TENM2: variants seen among roughly 807,000 people sequenced by gnomAD.
The protein encoded by TENM2 is teneurin-2.
Under a neutral mutation model 245.2 loss-of-function variants are expected in TENM2, and 52 were observed. The observed-to-expected ratio is 0.21, with a 90% confidence interval of 0.17 to 0.27. The LOEUF is 0.27. Among genes scored for constraint, TENM2 ranks in the 10% least tolerant of loss-of-function variants. The probability of loss-of-function intolerance (pLI) is 1.00; values close to 1 mark genes in which losing one functional copy is unlikely to be tolerated. For missense variants in TENM2, 3,046 were observed against 3,666.8 expected (o/e 0.83, Z 4.37); for synonymous variants, 1,363 against 1,438.9 (o/e 0.95, Z 1.19).
intron 1 of TENM2, among the ~76,000 whole-genome samples, chr5:167,368,110 A>C (rs1216918943): frequency 6.6e-6 from 1 of 152,210 alleles, no homozygotes; most frequent in East Asian, 1.9e-4. Context: ...AATATTCAAA[A>C]GAACAAATGT....
At chr5:167,380,956 A>G (rs970716953) in intron 2 of TENM2, among the ~76,000 whole-genome samples, 1 of 152,118 alleles carries the variant, frequency 6.6e-6, no homozygotes, top group South Asian at 2.1e-4. Context: ...TAGGTGGGAG[A>G]GATGTGCCAT....
At chr5:167,956,138 A>G (rs1198111862) in intron 4 of TENM2, among the ~76,000 whole-genome samples, 2 of 151,796 alleles carry the variant, frequency 1.3e-5, no homozygotes, top group East Asian at 3.9e-4. Context: ...GTGTCCTCTC[A>G]TTTCGTTGAG....
chr5:168,102,553 G>C (rs763255227), intron 9 of TENM2, among the ~76,000 whole-genome samples: 2 of 152,174 alleles, frequency 1.3e-5, no homozygotes, highest in Non-Finnish European at 2.9e-5. Flanking sequence ...AAGGGGACTT[G>C]AGCACACATA....
chr5:167,693,646 A>G (rs915157314), intron 2 of TENM2, among the ~76,000 whole-genome samples: 2 of 151,994 alleles, frequency 1.3e-5, no homozygotes, highest in Non-Finnish European at 2.9e-5. Context: ...AAAAAAAAAA[A>G]AAAACCACTT....
intron 7 of TENM2, among the ~76,000 whole-genome samples, chr5:168,070,936 C>A: frequency 6.9e-6 from 1 of 145,670 alleles, no homozygotes; most frequent in African/African-American, 2.6e-5. Context: ...GCTGCTGTTA[C>A]AGAAAGAAGG....
intron 12 of TENM2, among the ~76,000 whole-genome samples, chr5:168,137,876 A>T (rs1181292838): frequency 6.6e-6 from 1 of 152,182 alleles, no homozygotes; most frequent in Non-Finnish European, 1.5e-5. Flanking sequence ...GTATCTATTC[A>T]CTTACAGACC....
the TENM2 span, among the ~76,000 whole-genome samples, chr5:167,157,239 T>A: frequency 6.6e-6 from 1 of 152,154 alleles, no homozygotes; most frequent in Non-Finnish European, 1.5e-5. Flanking sequence ...AGGCCCCTCC[T>A]TGATGAAGAT....
At chr5:167,743,670 T>C (rs1761358882) in intron 2 of TENM2, among the ~76,000 whole-genome samples, 1 of 152,194 alleles carries the variant, frequency 6.6e-6, no homozygotes, top group Non-Finnish European at 1.5e-5. Context: ...TCATTTTCTT[T>C]AAGGACACTA....
chr5:167,085,174 C>A, the TENM2 span, among the ~76,000 whole-genome samples: 63 of 152,100 alleles, frequency 4.1e-4, no homozygotes, highest in Admixed American at 4.1e-3. Flanking sequence ...GCAGTTGTCA[C>A]CATGGTGATT....
chr5:168,211,799 T>TGCTTC, intron 20 of TENM2, 45 bp downstream of exon 22: 4 of 1,229,708 alleles, frequency 3.3e-6, no homozygotes, highest in Non-Finnish European at 4.5e-6. Context: ...ATGGTTCGTT[T>TGCTTC]GCTTCCTTGT....
intron 23 of TENM2, among the ~76,000 whole-genome samples, chr5:168,220,659 T>G (rs1479520085): frequency 6.6e-6 from 1 of 152,206 alleles, no homozygotes; most frequent in African/African-American, 2.4e-5. Flanking sequence ...TTTTGGCACA[T>G]GATCAGCCAA....
At chr5:167,230,148 CCAG>C in the TENM2 span, among the ~76,000 whole-genome samples, 1 of 152,116 alleles carries the variant, frequency 6.6e-6, no homozygotes, top group South Asian at 2.1e-4. Flanking sequence ...CTTGTAGGAC[CCAG>C]CATGAGTTCT....
chr5:168,054,434 G>A (rs1255734844), intron 6 of TENM2, among the ~76,000 whole-genome samples: 1 of 152,186 alleles, frequency 6.6e-6, no homozygotes, highest in East Asian at 1.9e-4. Context: ...ATGGAAACGA[G>A]GTGTAATGAC....
chr5:167,900,942 T>G, intron 3 of TENM2, among the ~76,000 whole-genome samples: 1 of 151,552 alleles, frequency 6.6e-6, no homozygotes, highest in African/African-American at 2.4e-5. Context: ...TCCTGCGGGG[T>G]GGGGGACAGG....
chr5:167,713,288 C>T (rs1759032286), intron 2 of TENM2, among the ~76,000 whole-genome samples: 1 of 151,414 alleles, frequency 6.6e-6, no homozygotes, highest in African/African-American at 2.4e-5. Flanking sequence ...AATCAACAGC[C>T]CAGAAATCGG....
At chr5:167,450,526 G>T (rs1248205698) in intron 2 of TENM2, among the ~76,000 whole-genome samples, 2 of 152,008 alleles carry the variant, frequency 1.3e-5, no homozygotes, top group African/African-American at 4.8e-5. Context: ...TTGAATTCAT[G>T]GTGGGTATAT....
intron 2 of TENM2, among the ~76,000 whole-genome samples, chr5:167,533,427 T>TTTTC (rs892501492): frequency 6.6e-5 from 10 of 152,002 alleles, no homozygotes; most frequent in African/African-American, 2.4e-4. Flanking sequence ...AGGTGGTTGT[T>TTTTC]TTTCTTTGTT....
chr5:167,678,178 A>T (rs945545465), intron 2 of TENM2, among the ~76,000 whole-genome samples: 8 of 152,120 alleles, frequency 5.3e-5, no homozygotes, highest in Admixed American at 3.9e-4. Context: ...AGATAATGGA[A>T]TTACAGGTGA....
chr5:168,045,032 G>A (rs1788496855), intron 5 of TENM2, among the ~76,000 whole-genome samples: 1 of 151,788 alleles, frequency 6.6e-6, no homozygotes, highest in Non-Finnish European at 1.5e-5. Flanking sequence ...TTTACTTAAT[G>A]TTCAGTTCAA....
Sources: gnomAD v4.1 joint callset for allele counts (sites outside exome capture counted in the v4.1 genomes callset) on GRCh38, gnomAD v4.1.1 for gene constraint, MANE v1.5 for transcripts, NCBI Gene and HGNC (gene_info 2026-07-23, HGNC 2026-07-21) for gene names.